CLDND2: variants seen among roughly 807,000 people sequenced by gnomAD.
CLDND2 encodes claudin domain containing 2.
Under a neutral mutation model 17.7 loss-of-function variants are expected in CLDND2, and 18 were observed. The ratio of observed to expected loss-of-function variants is 1.02; its 90% CI spans 0.70 to 1.51. The LOEUF is 1.51. CLDND2 is among the 40% of genes most tolerant of loss of function. The probability of loss-of-function intolerance (pLI) is 0.00; values close to 1 mark genes in which losing one functional copy is unlikely to be tolerated. For synonymous variants in CLDND2, 113 were observed against 93.0 expected (o/e 1.22, Z -1.24); for missense variants, 233 against 219.6 (o/e 1.06, Z -0.39).
chr19:51,368,112 G>T, intron 1 of CLDND2, 86 bp from the exon 2 acceptor site: 3 of 1,406,190 alleles, frequency 2.1e-6, no homozygotes, highest in Non-Finnish European at 2.9e-6. Context: ...CCCGTCTCCT[G>T]CCCCCAACCC....
Position 51,367,201 on chromosome 19 carries a change from G to A in CLDND2, c.445C>T (p.Leu149=), listed in dbSNP as rs199756062. ...GTGCTCTGCATGATCATGTCTGCCA[G>A]CAGAAAGCAGAAGCCTGGGGGGACG... ...FSILAGFCFL[L]ADMIMQSTDA... The change falls in exon 4 of 4, where the codon CTG becomes TTG. Residue 149 remains leucine (L), a synonymous_variant. Coordinates refer to ENST00000291715, the MANE Select transcript of CLDND2 (RefSeq NM_152353.3). The surrounding 1 kb of genome is among the most constrained non-coding windows in gnomAD (Gnocchi z 7.4). 1.9e-6 allele frequency: 3 copies of A among 1,614,042 alleles called. No individual in the cohort carries two copies. The East Asian group carries it at 6.7e-5, about 36-fold the overall frequency.
Position 51,367,458 on chromosome 19 carries a change from C to T in CLDND2, c.429G>A (p.Ala143=), listed in dbSNP as rs143501994. 3.2e-3 allele frequency: 5,053 copies of T among 1,597,596 alleles called. 21 individuals are homozygous for T. The highest frequency in any genetic ancestry group is 0.01 in the South Asian group (913 of 88,952). ...GWLALPFSIL[A]GFCFLLADMI... is the part of the protein sequence containing the mutation. ...CCCTCTTCCCGCTGTCCAGTTTACCCGCGAGAATTGAGAAGGGTAAGGCCA... is the reference window on the plus strand; with the variant it reads ...CCCTCTTCCCGCTGTCCAGTTTACCTGCGAGAATTGAGAAGGGTAAGGCCA... The change falls in exon 3 of 4, where the codon GCG becomes GCA. Residue 143 remains alanine (A), a splice_region_variant and synonymous_variant. Transcript: ENST00000291715. The surrounding 1 kb of genome is among the most constrained non-coding windows in gnomAD (Gnocchi z 7.4).
chr19:51,367,009 G>C (rs1029671226), downstream of CLDND2: 3 of 777,956 alleles, frequency 3.9e-6, no homozygotes, highest in African/African-American at 5.1e-5. This position sits in a 1 kb window ranked among gnomAD's most constrained non-coding sequence, Gnocchi z 7.4. Flanking sequence ...CGTTCCCTAT[G>C]AGTTCATGTC....
Position 51,368,625 on chromosome 19 carries a change from C to G in CLDND2, c.-48G>C. The G allele has an allele frequency of 6.5e-7, 1 of 1,544,570 alleles. No homozygotes were observed. The highest frequency in any genetic ancestry group is 8.8e-7 in the Non-Finnish European group (1 of 1,138,462). On this transcript the variant is annotated 5_prime_UTR_variant, in exon 1 of 4. Transcript: ENST00000291715. The stretch of plus-strand genomic sequence containing the variant: ...GCCACAAGGGCAGGATGGGCCCAGG[C>G]CTTTCCTACCCCGAGGCCCCCAGCT...
In CLDND2 at chr19:51,367,360, G is replaced by A; in HGVS notation, c.430+97C>T. 7.2e-7 allele frequency: 1 copy of A among 1,393,962 alleles called. No individual in the cohort carries two copies. Among genetic ancestry groups the A allele is most frequent in the Non-Finnish European group, 1.0e-6 (1 of 1,002,046 alleles). The allele number at this position is 1,393,962 out of a possible 1,614,324, so 86.3% of individuals were successfully genotyped here. ...CGTTAGTGTGTTGGGGAGTCCCCGA[G>A]AGGTCCCCGGGGTTTCCTGGGAGGG... On this transcript the variant is annotated intron_variant, in intron 3 of 3. Transcript: ENST00000291715. This position sits in a 1 kb window ranked among gnomAD's most constrained non-coding sequence, Gnocchi z 7.4.
Position 51,367,172 on chromosome 19 carries a change from G to C in CLDND2, c.474C>G (p.Asp158Glu). 1 of 1,614,274 alleles carries C rather than the reference G, an allele frequency of 6.2e-7. No individual in the cohort carries two copies. The highest frequency in any genetic ancestry group is 1.7e-5 in the Admixed American group (1 of 60,036). Residue 158 changes from aspartate to glutamate, a missense_variant, in exon 4 of 4, where the codon GAC becomes GAG. By Grantham distance (45) the Asp-to-Glu change is conservative. Coordinates refer to ENST00000291715, the MANE Select transcript of CLDND2 (RefSeq NM_152353.3). The surrounding 1 kb of genome is among the most constrained non-coding windows in gnomAD (Gnocchi z 7.4). ...LLADMIMQST[D>E]AISGFPVCL is the part of the protein sequence containing the mutation. ...GACACACGGGGAATCCACTGATGGC[G>C]TCGGTGCTCTGCATGATCATGTCTG...
At chr19:51,366,984 G>A, downstream of CLDND2, 1 of 676,080 alleles carries the variant, frequency 1.5e-6, no homozygotes, top group South Asian at 1.7e-5. Flanking sequence ...CCATGTCTGT[G>A]TCTCCCTGTC....
chr19:51,368,618 GC>G lies in CLDND2; in HGVS notation c.-42del. 6.3e-7 allele frequency: 1 copy of G among 1,578,764 alleles called. No individual in the cohort carries two copies. ...GCCGGGGGCCACAAGGGCAGGATGG[GC>G]CCAGGCCTTTCCTACCCCGAGGCCC... is the stretch of plus-strand genomic sequence containing the variant. On this transcript the variant is annotated 5_prime_UTR_variant, in exon 1 of 4. Coordinates refer to ENST00000291715, the MANE Select transcript of CLDND2 (RefSeq NM_152353.3).
At chr19:51,368,356 C>G in intron 1 of CLDND2, 53 bp downstream of exon 1, 33 of 1,553,940 alleles carry the variant, frequency 2.1e-5, no homozygotes, top group Non-Finnish European at 2.7e-5. Flanking sequence ...CTGTGTGTCC[C>G]GAGCCCTGGG....
downstream of CLDND2, chr19:51,367,084 C>T (rs550438218): frequency 6.4e-7 from 1 of 1,562,408 alleles, no homozygotes; most frequent in Middle Eastern, 1.7e-4. This position sits in a 1 kb window ranked among gnomAD's most constrained non-coding sequence, Gnocchi z 7.4. Context: ...CAGAAAAGCA[C>T]GCGGAGCCGC....
At chr19:51,368,203 G>A (rs1390056089) in intron 1 of CLDND2, 177 bp from the exon 2 acceptor site, 10 of 862,298 alleles carry the variant, frequency 1.2e-5, no homozygotes, top group Admixed American at 2.8e-5. Flanking sequence ...CAGGACCTGC[G>A]GTTACTGCCG....
Position 51,367,333 on chromosome 19 carries a change from G to A in CLDND2, c.431-118C>T. 7.3e-7 allele frequency: 1 copy of A among 1,372,842 alleles called. No homozygotes were observed. Among genetic ancestry groups the A allele is most frequent in the Non-Finnish European group, 1.0e-6 (1 of 979,344 alleles). 85.0% of individuals were successfully genotyped at this position (1,372,842 alleles called of 1,614,324 possible). The stretch of plus-strand genomic sequence containing the variant: ...GGGGGTCTCTGCCGGGTCTGCGGGA[G>A]TCGTTAGTGTGTTGGGGAGTCCCCG... On this transcript the variant is annotated intron_variant, in intron 3 of 3. Coordinates refer to ENST00000291715, the MANE Select transcript of CLDND2 (RefSeq NM_152353.3). The surrounding 1 kb of genome is among the most constrained non-coding windows in gnomAD (Gnocchi z 7.4).
At position 51,367,492 on chromosome 19, in the gene CLDND2, G is replaced by GA. The variant is rs1273298552; in HGVS notation, c.394dup (p.Ser132PhefsTer?). ...TGAGAAGGGTAAGGCCAGCCACCCA[G>GA]AAAAATAGGACCAAGAGAAGAAGAC... On this transcript the variant is annotated frameshift_variant, in exon 3 of 4. Transcript: ENST00000291715. LOFTEE classifies it high-confidence loss of function. The surrounding 1 kb of genome is among the most constrained non-coding windows in gnomAD (Gnocchi z 7.4). 7.5e-6 allele frequency: 12 copies of GA among 1,606,446 alleles called. No homozygotes were observed. Among genetic ancestry groups the GA allele is most frequent in the Non-Finnish European group, 1.0e-5 (12 of 1,176,064 alleles).
Position 51,367,272 on chromosome 19 carries a change from C to T in CLDND2, c.431-57G>A, listed in dbSNP as rs751678679. On this transcript the variant is annotated intron_variant, in intron 3 of 3. Coordinates refer to ENST00000291715, the MANE Select transcript of CLDND2 (RefSeq NM_152353.3). This position sits in a 1 kb window ranked among gnomAD's most constrained non-coding sequence, Gnocchi z 7.4. ...GAAGGTGGGCCCTGGGGCGGATGGC[C>T]GGGAGGGCCCCGGGGACTGGGGTTT... 9 of 1,577,906 alleles carry T rather than the reference C, an allele frequency of 5.7e-6. No individual in the cohort carries two copies. In the Admixed American group the frequency reaches 1.2e-4, roughly 21 times the overall value.
At chr19:51,367,016 T>C, downstream of CLDND2, 1 of 833,560 alleles carries the variant, frequency 1.2e-6, no homozygotes, top group Non-Finnish European at 2.1e-6. This position sits in a 1 kb window ranked among gnomAD's most constrained non-coding sequence, Gnocchi z 7.4. Flanking sequence ...TATGAGTTCA[T>C]GTCCTTATGT....
chr19:51,367,591 G>T lies in CLDND2; in HGVS notation c.311-15C>A. 6.2e-7 allele frequency: 1 copy of T among 1,608,554 alleles called. No homozygotes were observed. Among genetic ancestry groups the T allele is most frequent in the Non-Finnish European group, 8.5e-7 (1 of 1,177,580 alleles). ...CAGCAGCAGTCCTGGGCCCCGCCCA[G>T]CCGCAAGATGAGCTAGCTGGGCCTG... On this transcript the variant is annotated splice_polypyrimidine_tract_variant and intron_variant, in intron 2 of 3. Coordinates refer to ENST00000291715, the MANE Select transcript of CLDND2 (RefSeq NM_152353.3). This position sits in a 1 kb window ranked among gnomAD's most constrained non-coding sequence, Gnocchi z 7.4.
rs372677670 is a variant in CLDND2 at position 51,367,630 on chromosome 19, C to T, written c.311-54G>A. The T allele has an allele frequency of 1.2e-5, 19 of 1,569,350 alleles. No individual in the cohort carries two copies. In the Middle Eastern group the frequency reaches 5.6e-4, roughly 46 times the overall value. On this transcript the variant is annotated intron_variant, in intron 2 of 3. Coordinates refer to ENST00000291715, the MANE Select transcript of CLDND2 (RefSeq NM_152353.3). This position sits in a 1 kb window ranked among gnomAD's most constrained non-coding sequence, Gnocchi z 7.4. The stretch of plus-strand genomic sequence containing the variant: ...TAGCTGGGCCTGGTGGGGGCTGCAC[C>T]CAGGCCACGCCCCTTCAGACCCGCC...
rs2123634531 is a variant in CLDND2, at chr19:51,368,768, C to T, written c.-191G>A. 7.0e-6 allele frequency: 4 copies of T among 573,818 alleles called. No homozygotes were observed. In the South Asian group the frequency reaches 8.4e-5, roughly 12 times the overall value. 35.5% of individuals were successfully genotyped at this position (573,818 alleles called of 1,614,324 possible). ...TGCCTGAGGATCCACAACCTCCTCCCTCCAGACCTCGTTCCCCTTACTGGA... is the reference window on the plus strand; with the variant it reads ...TGCCTGAGGATCCACAACCTCCTCCTTCCAGACCTCGTTCCCCTTACTGGA... On this transcript the variant is annotated 5_prime_UTR_variant, in exon 1 of 4. Transcript: ENST00000291715.
At position 51,367,913 on chromosome 19, in the gene CLDND2, T is replaced by C. The variant is rs748298147; in HGVS notation, c.283A>G (p.Thr95Ala). 2.5e-6 allele frequency: 4 copies of C among 1,612,410 alleles called. No homozygotes were observed. The South Asian group carries it at 3.3e-5, about 13-fold the overall frequency. Residue 95 changes from threonine to alanine, a missense_variant, in exon 2 of 4, where the codon ACC (threonine) becomes GCC (alanine). Physicochemically the swap from Thr to Ala is moderately conservative, Grantham distance 58. Coordinates refer to ENST00000291715, the MANE Select transcript of CLDND2 (RefSeq NM_152353.3). This position sits in a 1 kb window ranked among gnomAD's most constrained non-coding sequence, Gnocchi z 7.4. ...CCGAGGAAGAGGAAGGCGCTCGTGG[T>C]CTGGCCCCGCAGCGACTCGCCCTCG... ...CDEGESLRGQ[T>A]TSAFLFLGGL...
Sources: allele counts gnomAD v4.1 joint callset, GRCh38; gene constraint gnomAD v4.1.1; non-coding constraint Gnocchi (gnomAD v3.1); transcripts MANE v1.5; gene names NCBI Gene and HGNC (gene_info 2026-07-23, HGNC 2026-07-21).